LARGE1: variants seen among roughly 807,000 people sequenced by gnomAD.
LARGE1 encodes the protein LARGE xylosyl- and glucuronyltransferase 1.
LARGE1 carries 43 observed loss-of-function variants against 87.6 expected under a neutral mutation model. The observed-to-expected ratio is 0.49, with a 90% CI of 0.38 to 0.63. The LOEUF (loss-of-function observed/expected upper bound fraction) is 0.63. Among genes scored for constraint, LARGE1 ranks in the 30% least tolerant of loss-of-function variants. LARGE1 has a pLI of 0.00. For missense variants in LARGE1, 802 were observed against 1,000.2 expected (o/e 0.80, Z 2.67); for synonymous variants, 434 against 394.6 (o/e 1.10, Z -1.18).
chr22:33,599,258 C>T (rs949089691), intron 5 of LARGE1, among the ~76,000 whole-genome samples: 1 of 152,224 alleles, frequency 6.6e-6, no homozygotes, highest in Non-Finnish European at 1.5e-5. Flanking sequence ...CAACCCCACA[C>T]TTTAACTTAA....
chr22:33,338,014 A>C (rs1938681873), intron 9 of LARGE1, among the ~76,000 whole-genome samples: 1 of 152,122 alleles, frequency 6.6e-6, no homozygotes, highest in Non-Finnish European at 1.5e-5. Context: ...TAGTCCTTTA[A>C]TCTCACACAA....
At chr22:33,466,054 C>T (rs2068594811) in intron 6 of LARGE1, among the ~76,000 whole-genome samples, 1 of 152,164 alleles carries the variant, frequency 6.6e-6, no homozygotes. Context: ...CCCAATATGT[C>T]CCCGCTCATT....
chr22:33,100,431 T>G, the LARGE1 span, among the ~76,000 whole-genome samples: 1 of 151,780 alleles, frequency 6.6e-6, no homozygotes, highest in Non-Finnish European at 1.5e-5. Flanking sequence ...AGAAATCACT[T>G]CCTCAGTTGT....
intron 12 of LARGE1, among the ~76,000 whole-genome samples, chr22:33,303,940 T>G (rs1165464758): frequency 6.6e-6 from 1 of 152,204 alleles, no homozygotes; most frequent in East Asian, 1.9e-4. Context: ...GGGTATGTTT[T>G]CATAGATGCT....
intron 11 of LARGE1, among the ~76,000 whole-genome samples, chr22:33,187,865 A>G (rs975199427): frequency 3.3e-4 from 42 of 128,804 alleles, no homozygotes; most frequent in African/African-American, 1.1e-3. Flanking sequence ...TGGAGTTTGC[A>G]GTGAGCTGAG....
the LARGE1 span, among the ~76,000 whole-genome samples, chr22:33,135,929 T>A: frequency 3.9e-5 from 6 of 152,200 alleles, no homozygotes; most frequent in Non-Finnish European, 7.3e-5. Context: ...CATTTAGAAC[T>A]ATTGTTTCCC....
intron 7 of LARGE1, among the ~76,000 whole-genome samples, chr22:33,387,884 C>G (rs2065383751): frequency 6.6e-6 from 1 of 152,094 alleles, no homozygotes; most frequent in Non-Finnish European, 1.5e-5. Context: ...AATACCTTGC[C>G]ACATTTACTG....
chr22:33,310,340 A>C (rs917050021), intron 11 of LARGE1, among the ~76,000 whole-genome samples: 1 of 152,140 alleles, frequency 6.6e-6, no homozygotes, highest in South Asian at 2.1e-4. Context: ...TCAAAAACAC[A>C]CTAAAGAACC....
intron 2 of LARGE1, chr22:33,744,341 GACA>G (rs2084000377): frequency 6.6e-6 from 1 of 152,228 alleles, no homozygotes; most frequent in Non-Finnish European, 1.5e-5. Flanking sequence ...AAGTGGAACA[GACA>G]GGTTTCAAAC....
the LARGE1 span, among the ~76,000 whole-genome samples, chr22:33,089,805 C>T: frequency 6.6e-6 from 1 of 151,948 alleles, no homozygotes; most frequent in African/African-American, 2.4e-5. Flanking sequence ...CCTTTTTCTG[C>T]TTCTTTATGT....
chr22:33,357,813 A>G (rs986898911), intron 9 of LARGE1, among the ~76,000 whole-genome samples: 7 of 152,176 alleles, frequency 4.6e-5, no homozygotes, highest in African/African-American at 1.7e-4. Flanking sequence ...AAAAAATTAT[A>G]CAAAAAAGAA....
intron 6 of LARGE1, among the ~76,000 whole-genome samples, chr22:33,501,232 C>T (rs1169429233): frequency 6.6e-6 from 1 of 152,170 alleles, no homozygotes; most frequent in African/African-American, 2.4e-5. Flanking sequence ...TTCTTGTCAC[C>T]ATCTGTAAAA....
chr22:33,714,019 AAC>A (rs1458716950), intron 2 of LARGE1, among the ~76,000 whole-genome samples: 4 of 151,822 alleles, frequency 2.6e-5, no homozygotes, highest in Non-Finnish European at 4.4e-5. Context: ...AACATAACAT[AAC>A]ATAACATAAC....
chr22:33,399,598 G>A (rs1373191107), intron 7 of LARGE1, among the ~76,000 whole-genome samples: 2 of 152,122 alleles, frequency 1.3e-5, no homozygotes. Flanking sequence ...GCCCAGGCTG[G>A]AGTGCAATGG....
At chr22:33,359,905 G>C (rs57846459) in intron 9 of LARGE1, among the ~76,000 whole-genome samples, 4 of 149,370 alleles carry the variant, frequency 2.7e-5, no homozygotes, top group African/African-American at 9.9e-5. Context: ...AGACAATCTA[G>C]GAGTGGCCAA....
At chr22:33,182,068 C>T (rs137377) in intron 11 of LARGE1, among the ~76,000 whole-genome samples, 51,040 of 151,812 alleles carry the variant, frequency 0.34, 9,043 homozygotes, top group Non-Finnish European at 0.39. Context: ...GTAATCTCCC[C>T]GCCTTGGCCT....
At chr22:33,509,768 T>C (rs1894476) in intron 6 of LARGE1, among the ~76,000 whole-genome samples, 60 of 152,322 alleles carry the variant, frequency 3.9e-4, no homozygotes, top group African/African-American at 1.3e-3. Context: ...AAATGTTCTG[T>C]GTTTTTATAA....
chr22:33,167,151 G>A (rs1435549270), intron 11 of LARGE1, among the ~76,000 whole-genome samples: 3 of 152,148 alleles, frequency 2.0e-5, no homozygotes, highest in Non-Finnish European at 2.9e-5. Flanking sequence ...ATTTCCAGGA[G>A]AGGATGTCAG....
intron 1 of LARGE1, among the ~76,000 whole-genome samples, chr22:33,814,994 C>T (rs543635231): frequency 6.6e-6 from 1 of 152,308 alleles, no homozygotes; most frequent in African/African-American, 2.4e-5. Context: ...TTCAACTCAA[C>T]ATGGTATGCT....
Sources: gnomAD v4.1 joint callset for allele counts (sites outside exome capture counted in the v4.1 genomes callset) on GRCh38, gnomAD v4.1.1 for gene constraint, MANE v1.5 for transcripts, NCBI Gene and HGNC (gene_info 2026-07-23, HGNC 2026-07-21) for gene names.